DAB1: variants seen among roughly 807,000 people sequenced by gnomAD.
DAB1 encodes disabled homolog 1.
Under a neutral mutation model 64.6 loss-of-function variants are expected in DAB1, and 15 were observed. The ratio of observed to expected loss-of-function variants is 0.23; its 90% CI spans 0.16 to 0.36. DAB1 has a LOEUF of 0.36. Ranked by LOEUF, DAB1 falls within the 10% of genes least tolerant of loss-of-function variation. The pLI is 1.00. For missense variants in DAB1, 596 were observed against 706.7 expected (o/e 0.84, Z 1.78); for synonymous variants, 235 against 251.9 (o/e 0.93, Z 0.64).
rs549455725 is a variant in DAB1 at position 58,408,782 on chromosome 1, G to C, written n.258-65379C>G. Among the ~76,000 whole-genome samples, 4 of 152,342 alleles carry C rather than the reference G, an allele frequency of 2.6e-5. No homozygotes were observed. In the East Asian group the frequency reaches 7.7e-4, roughly 29 times the overall value. On this transcript the variant is annotated intron_variant and non_coding_transcript_variant, in intron 3 of 20. Coordinates refer to the DAB1 transcript ENST00000485760. The stretch of plus-strand genomic sequence containing the variant: ...GTTGACATTACAAAACACCCAAGTG[G>C]AGACTCAGTTCCCACAGGGCTGCTG...
At chr1:57,103,529 G>C (rs1218914367) in intron 4 of DAB1, among the ~76,000 whole-genome samples, 1 of 152,172 alleles carries the variant, frequency 6.6e-6, no homozygotes, top group Non-Finnish European at 1.5e-5. Context: ...CAGATCCCGG[G>C]AGTACAGTAG....
intron 5 of DAB1, among the ~76,000 whole-genome samples, chr1:58,001,560 G>A (rs1646507405): frequency 6.6e-6 from 1 of 152,116 alleles, no homozygotes; most frequent in African/African-American, 2.4e-5. Flanking sequence ...ACACCCAGCT[G>A]AAAAGGCCCT....
At chr1:57,362,808 C>A (rs6665166) in intron 1 of DAB1, among the ~76,000 whole-genome samples, 20 of 151,872 alleles carry the variant, frequency 1.3e-4, no homozygotes, top group Admixed American at 6.6e-5. Context: ...ACCCAAAATA[C>A]ACACACACAA....
intron 7 of DAB1, among the ~76,000 whole-genome samples, chr1:57,448,607 C>T (rs1387868199): frequency 6.6e-6 from 1 of 152,170 alleles, no homozygotes; most frequent in Admixed American, 6.5e-5. Flanking sequence ...ATCTGTTACA[C>T]TCAACAAAGA....
At position 58,455,397 on chromosome 1, in the gene DAB1, C is replaced by A. The variant is rs187107481; in HGVS notation, n.257+50663G>T. Among the ~76,000 whole-genome samples, 297 of 152,336 alleles carry A rather than the reference C, an allele frequency of 1.9e-3. 3 individuals are homozygous for A. Among genetic ancestry groups the A allele is most frequent in the African/African-American group, 6.8e-3 (283 of 41,576 alleles). On this transcript the variant is annotated intron_variant and non_coding_transcript_variant, in intron 3 of 20. Transcript: ENST00000485760. ...TAATACCCTAGGATTGCAGGCCCAC[C>A]CCGCGGACAGGCGCAATGCGCTGCA...
chr1:57,412,515 T>C (rs1247575427), intron 1 of DAB1, among the ~76,000 whole-genome samples: 1 of 152,166 alleles, frequency 6.6e-6, no homozygotes, highest in South Asian at 2.1e-4. Context: ...AAACAAGATA[T>C]AGATTAAAGG....
intron 4 of DAB1, among the ~76,000 whole-genome samples, chr1:57,107,919 G>A (rs2100713235): frequency 6.6e-6 from 1 of 152,222 alleles, no homozygotes. Context: ...TCTCTAAATA[G>A]GGATAATGAT....
chr1:57,296,362 AG>A (rs1673192743), intron 1 of DAB1, among the ~76,000 whole-genome samples: 1 of 152,152 alleles, frequency 6.6e-6, no homozygotes, highest in Admixed American at 6.6e-5. Context: ...GTCCATTAAG[AG>A]GGCCTAGGAG....
In DAB1 at chr1:57,194,709, C is replaced by G. The variant is rs12093519; in HGVS notation, c.68-49280G>C. 8.1e-3 allele frequency among the ~76,000 whole-genome samples: 1,233 copies of G among 152,278 alleles called. 18 individuals carry two copies. Among genetic ancestry groups the G allele is most frequent in the African/African-American group, 0.028 (1,166 of 41,538 alleles). Reference sequence around the variant, plus strand: ...TCTCCTACCATCTGAAACCCACTAGCCTGAGTGCTAGTGACAGTTGTGTGC... The same window carrying G: ...TCTCCTACCATCTGAAACCCACTAGGCTGAGTGCTAGTGACAGTTGTGTGC... On this transcript the variant is annotated intron_variant, in intron 2 of 14. Coordinates refer to ENST00000371236, the MANE Select transcript of DAB1 (RefSeq NM_001365792.1).
intron 5 of DAB1, among the ~76,000 whole-genome samples, chr1:57,989,807 C>G (rs1308513146): frequency 6.6e-6 from 1 of 152,094 alleles, no homozygotes; most frequent in East Asian, 1.9e-4. Flanking sequence ...ATTGGCTATT[C>G]CTCTGTTTTG....
In DAB1 at chr1:57,051,602, A is replaced by C. The variant is rs1321346115; in HGVS notation, c.723+11282T>G. On this transcript the variant is annotated intron_variant, in intron 9 of 14. Coordinates refer to ENST00000371236, the MANE Select transcript of DAB1 (RefSeq NM_001365792.1). Reference sequence around the variant, plus strand: ...GATTGCTTGGGGACAGGGTGTTTGCAGGATGGGATGCAGGGTGGCAATATG... The same window carrying C: ...GATTGCTTGGGGACAGGGTGTTTGCCGGATGGGATGCAGGGTGGCAATATG... Among the ~76,000 whole-genome samples, 3 of 152,198 alleles carry C rather than the reference A, an allele frequency of 2.0e-5. No individual in the cohort carries two copies. In the East Asian group the frequency reaches 5.8e-4, roughly 29 times the overall value.
intron 2 of DAB1, among the ~76,000 whole-genome samples, chr1:57,220,133 GT>G (rs1666744488): frequency 6.6e-6 from 1 of 152,166 alleles, no homozygotes; most frequent in Admixed American, 6.5e-5. Flanking sequence ...AATAATTTAT[GT>G]TTTTCAGGCC....
At chr1:57,360,692 C>A (rs1679477913) in intron 1 of DAB1, among the ~76,000 whole-genome samples, 1 of 152,050 alleles carries the variant, frequency 6.6e-6, no homozygotes, top group South Asian at 2.1e-4. Context: ...ACTTTGGAAA[C>A]ACATTGTACA....
At chr1:57,222,308 A>G (rs1309231874) in intron 2 of DAB1, among the ~76,000 whole-genome samples, 2 of 152,206 alleles carry the variant, frequency 1.3e-5, no homozygotes, top group African/African-American at 4.8e-5. Context: ...ATACAATGAC[A>G]GAAACTTCTG....
chr1:57,823,092 C>T (rs1215996784), downstream of DAB1, among the ~76,000 whole-genome samples: 13 of 148,978 alleles, frequency 8.7e-5, no homozygotes, highest in Non-Finnish European at 3.0e-5. Context: ...TCAAGCAATT[C>T]TCCTGCCTCA....
At chr1:57,519,914 T>C (rs1570591848) in intron 7 of DAB1, among the ~76,000 whole-genome samples, 1 of 152,318 alleles carries the variant, frequency 6.6e-6, no homozygotes, top group East Asian at 1.9e-4. Flanking sequence ...AACTCTGAAA[T>C]GACTATGAAT....
chr1:57,409,917 G>A (rs1014781558), intron 1 of DAB1, among the ~76,000 whole-genome samples: 2 of 152,186 alleles, frequency 1.3e-5, no homozygotes, highest in Non-Finnish European at 2.9e-5. Context: ...CAAGGAATTA[G>A]AAAGTCCACC....
At chr1:58,063,297 TTC>T (rs1648623412) in intron 5 of DAB1, among the ~76,000 whole-genome samples, 1 of 152,090 alleles carries the variant, frequency 6.6e-6, no homozygotes, top group Non-Finnish European at 1.5e-5. Context: ...TGTGAGTCAT[TTC>T]GTGACGCAAG....
intron 5 of DAB1, among the ~76,000 whole-genome samples, chr1:57,933,061 A>C (rs1644976014): frequency 6.6e-6 from 1 of 152,174 alleles, no homozygotes; most frequent in Non-Finnish European, 1.5e-5. Context: ...TCCCATATAC[A>C]CTATAAAAAC....
Sources: allele counts gnomAD v4.1 joint callset (sites outside exome capture counted in the v4.1 genomes callset), GRCh38; gene constraint gnomAD v4.1.1; transcripts MANE v1.5; gene names NCBI Gene and HGNC (gene_info 2026-07-23, HGNC 2026-07-21).